MCC: variants seen among roughly 807,000 people sequenced by gnomAD.
MCC encodes the protein MCC regulator of Wnt signaling pathway.
A neutral mutation model predicts 116.2 loss-of-function variants in MCC; 90 were observed. The ratio of observed to expected loss-of-function variants is 0.77; its 90% CI spans 0.65 to 0.92. MCC has a LOEUF of 0.92. MCC is among the 40% of genes least tolerant of loss of function. MCC has a pLI of 0.00. For synonymous variants in MCC, 578 were observed against 510.5 expected, an observed-to-expected ratio of 1.13 and a Z score of -1.78; for missense variants, 1,516 against 1,312.2, an observed-to-expected ratio of 1.16 and a Z score of -2.40.
At chr5:113,257,492 G>A in intron 3 of MCC, among the ~76,000 whole-genome samples, 1 of 152,228 alleles carries the variant, frequency 6.6e-6, no homozygotes, top group Non-Finnish European at 1.5e-5. Flanking sequence ...ATCTGATCAG[G>A]AACAGAGAGT....
chr5:113,457,551 G>C (rs968617181), intron 1 of MCC, among the ~76,000 whole-genome samples: 1 of 152,174 alleles, frequency 6.6e-6, no homozygotes, highest in African/African-American at 2.4e-5. Context: ...GGGACTGGCA[G>C]GCAGCTCCAC....
chr5:113,093,057 T>C (rs1272684010), intron 8 of MCC, among the ~76,000 whole-genome samples: 2 of 152,032 alleles, frequency 1.3e-5, no homozygotes, highest in Non-Finnish European at 2.9e-5. Context: ...AACCTTAAAA[T>C]CAGAGTGCTG....
chr5:113,145,415 A>G (rs1759436285), intron 4 of MCC, among the ~76,000 whole-genome samples: 1 of 152,102 alleles, frequency 6.6e-6, no homozygotes, highest in Non-Finnish European at 1.5e-5. Context: ...ACTGTGAAAC[A>G]TTTCCACTTA....
chr5:113,102,647 T>C (rs1420428261), intron 7 of MCC, among the ~76,000 whole-genome samples: 1 of 152,264 alleles, frequency 6.6e-6, no homozygotes, highest in Non-Finnish European at 1.5e-5. Context: ...TAAAAACATT[T>C]AATGAAGAAG....
At chr5:113,316,820 T>A (rs1767298271) in intron 3 of MCC, among the ~76,000 whole-genome samples, 1 of 152,206 alleles carries the variant, frequency 6.6e-6, no homozygotes, top group African/African-American at 2.4e-5. Flanking sequence ...ACCCACTGAT[T>A]TGCTCATATA....
rs1554087726 is a variant in MCC at position 113,488,339 on chromosome 5, T to TGCTGCTGCC, written c.67_75dup (p.Gly23_Ser25dup). 2.0e-5 allele frequency: 30 copies of TGCTGCTGCC among 1,466,570 alleles called. No homozygotes were observed. Among genetic ancestry groups the TGCTGCTGCC allele is most frequent in the Middle Eastern group, 1.8e-4 (1 of 5,584 alleles). The allele number at this position is 1,466,570 out of a possible 1,614,324, so 90.8% of individuals were successfully genotyped here. A position where few individuals can be genotyped will look rare whatever the true frequency, so the allele number is the denominator to read the frequency against. On this transcript the variant is annotated inframe_insertion, in exon 1 of 19. Transcript: ENST00000408903. Reference sequence around the variant, plus strand: ...GTGCTGGACGTGTCGCTGCTGCTGCTGCTGCTGCCGCTGCCGCCGCCGCCG... The same window carrying TGCTGCTGCC: ...GTGCTGGACGTGTCGCTGCTGCTGCTGCTGCTGCCGCTGCTGCCGCTGCCGCCGCCGCCG...
At chr5:113,120,937 T>C (rs1757700240) in intron 6 of MCC, among the ~76,000 whole-genome samples, 1 of 152,184 alleles carries the variant, frequency 6.6e-6, no homozygotes, top group African/African-American at 2.4e-5. Flanking sequence ...GATCTCCACC[T>C]ATCATATAGT....
intron 2 of MCC, among the ~76,000 whole-genome samples, chr5:113,346,403 G>T (rs1198419755): frequency 6.6e-6 from 1 of 151,966 alleles, no homozygotes; most frequent in Non-Finnish European, 1.5e-5. Flanking sequence ...TTCAAGACCA[G>T]CCTGGACAAC....
Position 113,027,257 on chromosome 5 carries a change from T to G in MCC, c.*45A>C. Reference sequence around the variant, plus strand: ...GGCCCTTCTGTCCCCAGTGGCCTGCTGCAGTTTACTTCCCATGGGCAGAAC... The same window carrying G: ...GGCCCTTCTGTCCCCAGTGGCCTGCGGCAGTTTACTTCCCATGGGCAGAAC... On this transcript the variant is annotated 3_prime_UTR_variant, in exon 19 of 19. Transcript: ENST00000408903. The G allele has an allele frequency of 6.3e-7, 1 of 1,599,236 alleles. No homozygotes were observed. Among genetic ancestry groups the G allele is most frequent in the Non-Finnish European group, 8.5e-7 (1 of 1,170,544 alleles).
intron 3 of MCC, among the ~76,000 whole-genome samples, chr5:113,303,129 G>A (rs1766902310): frequency 6.6e-6 from 1 of 152,180 alleles, no homozygotes; most frequent in Non-Finnish European, 1.5e-5. Context: ...TGTTAAATCT[G>A]AGATTCCTAT....
intron 2 of MCC, among the ~76,000 whole-genome samples, chr5:113,377,662 G>T (rs1218101788): frequency 6.6e-6 from 1 of 152,090 alleles, no homozygotes; most frequent in African/African-American, 2.4e-5. Context: ...GACTCCTCAA[G>T]GACAGGAAGG....
In MCC at chr5:113,389,949, C is replaced by A. The variant is rs140848539; in HGVS notation, c.171-4737G>T. Among the ~76,000 whole-genome samples the A allele has an allele frequency of 1.6e-4, 25 of 152,156 alleles. No homozygotes were observed. In the East Asian group the frequency reaches 3.7e-3, roughly 22 times the overall value. On this transcript the variant is annotated intron_variant, in intron 1 of 18. Coordinates refer to ENST00000408903, the MANE Select transcript of MCC (RefSeq NM_001085377.2). Reference sequence around the variant, plus strand: ...CCATAAAACACTAATAACCCTGTAGCCTTAGTGACAGAACAGCAGGACATT... The same window carrying A: ...CCATAAAACACTAATAACCCTGTAGACTTAGTGACAGAACAGCAGGACATT...
intron 1 of MCC, among the ~76,000 whole-genome samples, chr5:113,413,991 C>G (rs1312355308): frequency 6.6e-6 from 1 of 151,986 alleles, no homozygotes; most frequent in South Asian, 2.1e-4. Flanking sequence ...TCATTGGTTT[C>G]AAAGAACATC....
intron 3 of MCC, among the ~76,000 whole-genome samples, chr5:113,259,131 T>C (rs1193117211): frequency 2.6e-5 from 4 of 152,204 alleles, no homozygotes; most frequent in African/African-American, 4.8e-5. Context: ...AACCCTATTA[T>C]TGTTAAATAC....
At chr5:113,071,533 AAGG>A (rs1561779091) in intron 11 of MCC, among the ~76,000 whole-genome samples, 1 of 152,208 alleles carries the variant, frequency 6.6e-6, no homozygotes, top group African/African-American at 2.4e-5. Flanking sequence ...ATTCCAAGGA[AAGG>A]AGACAGTTGT....
chr5:113,111,866 T>A (rs769865905), intron 6 of MCC, among the ~76,000 whole-genome samples: 1 of 152,218 alleles, frequency 6.6e-6, no homozygotes, highest in Admixed American at 6.5e-5. Context: ...CACACACCAG[T>A]GGACAAAGCT....
Position 113,215,706 on chromosome 5 carries a change from G to A in MCC, c.628-64284C>T, listed in dbSNP as rs532930195. Among the ~76,000 whole-genome samples the A allele has an allele frequency of 3.5e-4, 53 of 152,232 alleles. No homozygotes were observed. The East Asian group carries it at 8.9e-3, about 26-fold the overall frequency. On this transcript the variant is annotated intron_variant, in intron 3 of 18. Transcript: ENST00000408903. ...AACCTCAGCAGACAATAAGCCTGCCGGCGCAATGATCTTGGACGTTCCCAG... is the reference window on the plus strand; with the variant it reads ...AACCTCAGCAGACAATAAGCCTGCCAGCGCAATGATCTTGGACGTTCCCAG...
At chr5:113,163,671 G>A (rs1456074002) in intron 3 of MCC, among the ~76,000 whole-genome samples, 1 of 152,146 alleles carries the variant, frequency 6.6e-6, no homozygotes, top group Non-Finnish European at 1.5e-5. Flanking sequence ...ATTTCACGCA[G>A]TATTTGTTGA....
At chr5:113,124,387 T>A (rs555824733) in intron 5 of MCC, among the ~76,000 whole-genome samples, 2 of 152,318 alleles carry the variant, frequency 1.3e-5, no homozygotes, top group East Asian at 3.9e-4. Context: ...TAAGGGAGAT[T>A]TTGTGTATGA....
Sources: allele counts gnomAD v4.1 joint callset (sites outside exome capture counted in the v4.1 genomes callset), GRCh38; gene constraint gnomAD v4.1.1; transcripts MANE v1.5; gene names NCBI Gene and HGNC (gene_info 2026-07-23, HGNC 2026-07-21).